BCKDHB: variants seen among roughly 807,000 people sequenced by gnomAD.
BCKDHB encodes 2-oxoisovalerate dehydrogenase subunit beta, mitochondrial.
In BCKDHB, 41 loss-of-function variants were observed where a neutral mutation model predicts 48.5. The observed-to-expected ratio is 0.85, with a 90% CI of 0.66 to 1.10. The LOEUF (loss-of-function observed/expected upper bound fraction) is 1.10. Ranked by LOEUF, BCKDHB falls within the 50% of genes least tolerant of loss-of-function variation. The pLI is 0.00. For missense variants in BCKDHB, 496 were observed against 494.2 expected (o/e 1.00, Z -0.03); for synonymous variants, 201 against 174.8 (o/e 1.15, Z -1.18).
At chr6:80,187,329 A>G (rs1773688625) in intron 6 of BCKDHB, among the ~76,000 whole-genome samples, 1 of 152,206 alleles carries the variant, frequency 6.6e-6, no homozygotes, top group Non-Finnish European at 1.5e-5. Context: ...TGCTATTATT[A>G]TCATATAAAA....
chr6:80,227,639 G>C (rs961438019), intron 8 of BCKDHB, among the ~76,000 whole-genome samples: 12 of 152,160 alleles, frequency 7.9e-5, no homozygotes, highest in African/African-American at 2.9e-4. Context: ...CTGTATACTT[G>C]AGTAACCTGA....
intron 8 of BCKDHB, among the ~76,000 whole-genome samples, chr6:80,271,164 A>C (rs1423516260): frequency 6.6e-6 from 1 of 152,074 alleles, no homozygotes. Context: ...TGGTGTGCTC[A>C]CTGCTGTGGT....
the BCKDHB span, among the ~76,000 whole-genome samples, chr6:80,422,622 G>A: frequency 6.6e-6 from 1 of 152,210 alleles, no homozygotes; most frequent in East Asian, 1.9e-4. Context: ...CCTTAGGAGT[G>A]CACTTCTTGC....
the BCKDHB span, among the ~76,000 whole-genome samples, chr6:80,410,378 C>T: frequency 6.6e-6 from 1 of 152,148 alleles, no homozygotes; most frequent in South Asian, 2.1e-4. Context: ...CTGCCCTTAA[C>T]ATTGTTTCCT....
At chr6:80,186,054 T>C (rs1773625071) in intron 6 of BCKDHB, among the ~76,000 whole-genome samples, 1 of 152,158 alleles carries the variant, frequency 6.6e-6, no homozygotes, top group Non-Finnish European at 1.5e-5. Context: ...GAGGTGGTGC[T>C]TTTAAAAGAG....
the BCKDHB span, among the ~76,000 whole-genome samples, chr6:80,427,932 C>A: frequency 6.6e-6 from 1 of 152,068 alleles, no homozygotes; most frequent in Non-Finnish European, 1.5e-5. Flanking sequence ...GCAGAATGTG[C>A]AGTTTTTGTC....
At chr6:80,465,559 G>A in the BCKDHB span, among the ~76,000 whole-genome samples, 1 of 152,102 alleles carries the variant, frequency 6.6e-6, no homozygotes, top group South Asian at 2.1e-4. Context: ...ATGAATGCTT[G>A]TATTAACTTA....
the BCKDHB span, among the ~76,000 whole-genome samples, chr6:80,376,090 T>C: frequency 6.6e-6 from 1 of 152,126 alleles, no homozygotes; most frequent in Non-Finnish European, 1.5e-5. Flanking sequence ...ATGTCCTTTG[T>C]CTTCAGCTAC....
Position 80,211,751 on chromosome 6 carries a change from A to G in BCKDHB, c.951+8539A>G, listed in dbSNP as rs144792123. Among the ~76,000 whole-genome samples the G allele has an allele frequency of 4.6e-5, 7 of 152,180 alleles. No homozygotes were observed. In the East Asian group the frequency reaches 1.4e-3, roughly 29 times the overall value. On this transcript the variant is annotated intron_variant, in intron 8 of 9. Transcript: ENST00000320393. ...CAACATTTCAACATAGATTCTTTCT[A>G]TTTTCCATAAGTGTTGGCTGGCTGA...
rs180813219 is a variant in BCKDHB at position 80,343,317 on chromosome 6, T to C, written c.1039-347T>C. Among the ~76,000 whole-genome samples, 17 of 152,346 alleles carry C rather than the reference T, an allele frequency of 1.1e-4. No individual in the cohort carries two copies. In the East Asian group the frequency reaches 2.9e-3, roughly 26 times the overall value. ...CAGAAAATGAGAAGGTATATATTAT[T>C]GCCAGTTTCATGCTGCAGAGTTAAC... On this transcript the variant is annotated intron_variant, in intron 9 of 9. Coordinates refer to ENST00000320393, the MANE Select transcript of BCKDHB (RefSeq NM_183050.4).
chr6:80,340,056 T>TA (rs1165598735), intron 9 of BCKDHB, among the ~76,000 whole-genome samples: 1 of 152,202 alleles, frequency 6.6e-6, no homozygotes, highest in East Asian at 1.9e-4. Flanking sequence ...TTAAATTAGA[T>TA]AAAATATAAC....
At chr6:80,278,047 A>G (rs1264132759) in intron 9 of BCKDHB, among the ~76,000 whole-genome samples, 1 of 152,180 alleles carries the variant, frequency 6.6e-6, no homozygotes, top group African/African-American at 2.4e-5. Flanking sequence ...AAAAGATCCT[A>G]TAGGGTCTTG....
intron 1 of BCKDHB, among the ~76,000 whole-genome samples, chr6:80,122,424 C>G (rs555822077): frequency 6.6e-6 from 1 of 151,868 alleles, no homozygotes; most frequent in African/African-American, 2.4e-5. Context: ...CAGAAGGTGT[C>G]GGGGGAACCC....
At chr6:80,109,865 G>A (rs192814613) in intron 1 of BCKDHB, among the ~76,000 whole-genome samples, 112 of 152,170 alleles carry the variant, frequency 7.4e-4, no homozygotes, top group Non-Finnish European at 1.2e-3. Flanking sequence ...GAAAATTGAG[G>A]CTCAGAAATG....
At chr6:80,145,355 TC>T in intron 3 of BCKDHB, among the ~76,000 whole-genome samples, 1 of 152,272 alleles carries the variant, frequency 6.6e-6, no homozygotes. Context: ...AACATATGGA[TC>T]AGTGGTCCTT....
intron 9 of BCKDHB, among the ~76,000 whole-genome samples, chr6:80,318,699 A>AG (rs1768563445): frequency 6.6e-6 from 1 of 150,638 alleles, no homozygotes; most frequent in Non-Finnish European, 1.5e-5. Flanking sequence ...AAAAAAAAAA[A>AG]AAAAAGAAAA....
intron 8 of BCKDHB, among the ~76,000 whole-genome samples, chr6:80,205,484 T>C (rs541924183): frequency 1.3e-5 from 2 of 152,188 alleles, no homozygotes; most frequent in East Asian, 3.9e-4. Flanking sequence ...TATCATACTC[T>C]ATACACTAAA....
At chr6:80,450,195 T>C in the BCKDHB span, among the ~76,000 whole-genome samples, 2 of 152,228 alleles carry the variant, frequency 1.3e-5, no homozygotes, top group African/African-American at 4.8e-5. Context: ...GTCTACTTGA[T>C]GCCAAAGCTC....
intron 7 of BCKDHB, 108 bp downstream of exon 7, chr6:80,201,139 AT>A: frequency 1.1e-6 from 1 of 924,400 alleles, no homozygotes; most frequent in Non-Finnish European, 1.7e-6. Flanking sequence ...TATATCTCAG[AT>A]TAAGTCTGGT....
Sources: gnomAD v4.1 joint callset for allele counts (sites outside exome capture counted in the v4.1 genomes callset) on GRCh38, gnomAD v4.1.1 for gene constraint, MANE v1.5 for transcripts, NCBI Gene and HGNC (gene_info 2026-07-23, HGNC 2026-07-21) for gene names.